The following EYS variants were observed in gnomAD, a reference collection of about 807,000 sequenced individuals.
EYS encodes the protein protein eyes shut homolog.
In EYS, 250 loss-of-function variants were observed where a neutral mutation model predicts 282.1. The ratio of observed to expected loss-of-function variants is 0.89; its 90% CI spans 0.80 to 0.98. The LOEUF (loss-of-function observed/expected upper bound fraction) is 0.98, where lower values mean the gene tolerates loss of function less well. Ranked by LOEUF, EYS falls within the 50% of genes least tolerant of loss-of-function variation. The probability of loss-of-function intolerance (pLI) is 0.00; values close to 1 mark genes in which losing one functional copy is unlikely to be tolerated. For missense variants in EYS, 4,016 were observed against 3,709.0 expected (o/e 1.08, Z -2.15); for synonymous variants, 1,355 against 1,282.9 (o/e 1.06, Z -1.20).
In EYS at chr6:65,222,817, C is replaced by T. The variant is rs183927748; in HGVS notation, c.2023+73046G>A. Among the ~76,000 whole-genome samples, 258 of 152,130 alleles carry T rather than the reference C, an allele frequency of 1.7e-3. 2 individuals carry two copies. The highest frequency in any genetic ancestry group is 5.7e-3 in the African/African-American group (237 of 41,514). ...CAGAGAAAAGTGGATTTGTCAGGAA[C>T]GAGAAGATATCACAGTAAGAAGAAA... On this transcript the variant is annotated intron_variant, in intron 12 of 42. Transcript: ENST00000503581.
At position 65,653,737 on chromosome 6, in the gene EYS, T is replaced by C. The variant is rs181777933; in HGVS notation, c.-447-13845A>G. On this transcript the variant is annotated intron_variant, in intron 1 of 42. Transcript: ENST00000503581. ...GGCAAATAGAGTCAGATTTTTGACA[T>C]AGCCGAAGAGTGGTGACTTTAGAGA... Among the ~76,000 whole-genome samples the C allele has an allele frequency of 2.1e-3, 321 of 152,034 alleles. 2 individuals are homozygous for C. Among genetic ancestry groups the C allele is most frequent in the African/African-American group, 7.6e-3 (317 of 41,534 alleles).
At chr6:65,544,497 A>T (rs1768309887) in intron 2 of EYS, among the ~76,000 whole-genome samples, 1 of 152,006 alleles carries the variant, frequency 6.6e-6, no homozygotes, top group East Asian at 1.9e-4. Flanking sequence ...TGATGGTTTT[A>T]TAAGGGCTTT....
intron 2 of EYS, among the ~76,000 whole-genome samples, chr6:65,543,308 G>GT (rs1395476721): frequency 6.6e-6 from 1 of 150,810 alleles, no homozygotes; most frequent in Non-Finnish European, 1.5e-5. Flanking sequence ...ACAGTCAGCT[G>GT]TTTTTTTACA....
At chr6:64,113,891 C>G (rs74450482) in intron 31 of EYS, among the ~76,000 whole-genome samples, 6,415 of 152,232 alleles carry the variant, frequency 0.042, 398 homozygotes, top group African/African-American at 0.14. Context: ...TTAAATCCAG[C>G]ATGCTTTCAG....
chr6:64,944,882 A>C (rs763023155), intron 15 of EYS, among the ~76,000 whole-genome samples: 13 of 152,104 alleles, frequency 8.5e-5, no homozygotes, highest in Non-Finnish European at 1.5e-4. Context: ...AGAGAAACAT[A>C]AATCTGGCTT....
intron 12 of EYS, among the ~76,000 whole-genome samples, chr6:65,231,615 C>T (rs764698403): frequency 6.6e-6 from 1 of 151,666 alleles, no homozygotes; most frequent in Admixed American, 6.6e-5. Context: ...AATGTGCTAT[C>T]AAGGTTTGAG....
intron 40 of EYS, among the ~76,000 whole-genome samples, chr6:63,764,036 T>C (rs1390634286): frequency 6.6e-6 from 1 of 151,390 alleles, no homozygotes; most frequent in East Asian, 1.9e-4. Flanking sequence ...CATCCCCCTT[T>C]CTTTCTTCTG....
intron 22 of EYS, among the ~76,000 whole-genome samples, chr6:64,761,920 A>G (rs1470033131): frequency 6.6e-6 from 1 of 152,212 alleles, no homozygotes; most frequent in Non-Finnish European, 1.5e-5. Context: ...AAGGAGAAAT[A>G]TTGGTTAAGA....
intron 26 of EYS, among the ~76,000 whole-genome samples, chr6:64,475,550 C>CAAAAA (rs56710433): frequency 4.0e-3 from 164 of 41,164 alleles, no homozygotes; most frequent in Non-Finnish European, 5.3e-3. Context: ...GACTCCGTCT[C>CAAAAA]AAAAAAAAAA....
At chr6:64,363,814 G>A (rs766658872) in intron 29 of EYS, among the ~76,000 whole-genome samples, 53 of 151,706 alleles carry the variant, frequency 3.5e-4, no homozygotes, top group Non-Finnish European at 2.1e-4. Context: ...AAATAAATGC[G>A]AACAACATCA....
chr6:64,913,325 G>A (rs1583288266), intron 15 of EYS, among the ~76,000 whole-genome samples: 1 of 152,192 alleles, frequency 6.6e-6, no homozygotes, highest in African/African-American at 2.4e-5. Flanking sequence ...GCATAATGCT[G>A]TAGTTTGGGC....
chr6:65,489,658 A>G (rs1765955167), intron 5 of EYS: 1 of 152,160 alleles, frequency 6.6e-6, no homozygotes, highest in Admixed American at 6.5e-5. Flanking sequence ...TCATTCTACG[A>G]TAAAGACACA....
intron 30 of EYS, among the ~76,000 whole-genome samples, chr6:64,269,317 C>T (rs545251274): frequency 2.0e-5 from 3 of 151,494 alleles, no homozygotes; most frequent in South Asian, 2.1e-4. Context: ...AAAATCAGTG[C>T]GACTAACATA....
rs1306040228 is a variant in EYS, at chr6:64,296,557, T to TAC, written c.6191+10412_6191+10413insGT. ...TACTGGCAGAATATATATATATATA[T>TAC]ATATATATATATATATATATATATA... is the stretch of plus-strand genomic sequence containing the variant. On this transcript the variant is annotated intron_variant, in intron 30 of 42. Coordinates refer to ENST00000503581, the MANE Select transcript of EYS (RefSeq NM_001142800.2). Among the ~76,000 whole-genome samples, 8 of 5,602 alleles carry TAC rather than the reference T, an allele frequency of 1.4e-3. 1 individual carries two copies. Among genetic ancestry groups the TAC allele is most frequent in the South Asian group, 6.9e-3 (1 of 144 alleles). The allele number at this position is 5,602 out of a possible 152,430, so 3.7% of individuals were successfully genotyped here. A position where few individuals can be genotyped will look rare whatever the true frequency, so the allele number is the denominator to read the frequency against.
At chr6:64,937,471 G>T (rs977333270) in intron 15 of EYS, among the ~76,000 whole-genome samples, 4 of 151,492 alleles carry the variant, frequency 2.6e-5, no homozygotes, top group African/African-American at 7.3e-5. Context: ...ATTCCCAAAT[G>T]AGCAAATGAT....
chr6:64,110,018 G>A (rs903426609), intron 31 of EYS, among the ~76,000 whole-genome samples: 1 of 152,070 alleles, frequency 6.6e-6, no homozygotes, highest in Non-Finnish European at 1.5e-5. Flanking sequence ...GCTAGAGATT[G>A]CAAACACATT....
chr6:65,519,510 C>A (rs1268374725), intron 2 of EYS, among the ~76,000 whole-genome samples: 3 of 148,388 alleles, frequency 2.0e-5, no homozygotes, highest in African/African-American at 5.0e-5. Flanking sequence ...GTATATTAAT[C>A]TATAAAGGTT....
intron 14 of EYS, among the ~76,000 whole-genome samples, chr6:64,984,094 A>C (rs547158973): frequency 6.6e-6 from 1 of 151,532 alleles, no homozygotes; most frequent in Admixed American, 6.6e-5. Context: ...ATATGATGAA[A>C]TGTGTCCATT....
chr6:64,778,414 T>C (rs1224665091), intron 22 of EYS, among the ~76,000 whole-genome samples: 1 of 152,182 alleles, frequency 6.6e-6, no homozygotes, highest in Non-Finnish European at 1.5e-5. Context: ...AAGATATCCA[T>C]CAGGGTTATG....
Sources: allele counts gnomAD v4.1 joint callset (sites outside exome capture counted in the v4.1 genomes callset), GRCh38; gene constraint gnomAD v4.1.1; transcripts MANE v1.5; gene names NCBI Gene and HGNC (gene_info 2026-07-23, HGNC 2026-07-21).